IQUB: variants seen among roughly 807,000 people sequenced by gnomAD.
IQUB encodes the protein IQ motif and ubiquitin-like domain-containing protein.
Under a neutral mutation model 86.4 loss-of-function variants are expected in IQUB, and 86 were observed. The ratio of observed to expected loss-of-function variants is 1.00; its 90% CI spans 0.84 to 1.19. The LOEUF is 1.19. Among genes scored for constraint, IQUB ranks in the 50% most tolerant of loss-of-function variants. The pLI is 0.00. For synonymous variants in IQUB, 289 were observed against 304.5 expected (o/e 0.95, Z 0.53); for missense variants, 946 against 916.9 (o/e 1.03, Z -0.41).
intron 1 of IQUB, among the ~76,000 whole-genome samples, chr7:123,525,440 G>T (rs925600443): frequency 2.0e-5 from 3 of 152,152 alleles, no homozygotes; most frequent in African/African-American, 7.2e-5. Context: ...GAGAGTGTAT[G>T]TGTCCAGGAA....
At chr7:123,463,067 G>C (rs1433021096) in intron 10 of IQUB, among the ~76,000 whole-genome samples, 1 of 151,594 alleles carries the variant, frequency 6.6e-6, no homozygotes, top group Non-Finnish European at 1.5e-5. Flanking sequence ...AGTAGTTTGA[G>C]ATATTAAAGA....
At chr7:123,457,259 T>G in intron 12 of IQUB, 122 bp downstream of exon 12, 1 of 1,438,956 alleles carries the variant, frequency 6.9e-7, no homozygotes. Flanking sequence ...TGTTAATCCA[T>G]AAGTTCTGTT....
chr7:123,483,287 C>T (rs1795083219), intron 7 of IQUB, among the ~76,000 whole-genome samples: 4 of 152,074 alleles, frequency 2.6e-5, no homozygotes, highest in Admixed American at 6.6e-5. Context: ...ACACACAGTC[C>T]TTTTCAGTGT....
intron 1 of IQUB, among the ~76,000 whole-genome samples, chr7:123,516,956 C>T (rs980565216): frequency 1.3e-5 from 2 of 152,086 alleles, no homozygotes; most frequent in Non-Finnish European, 2.9e-5. Flanking sequence ...AGATAAGACT[C>T]CTGGGCCAGA....
At chr7:123,462,787 G>A in intron 10 of IQUB, 1 of 454,162 alleles carries the variant, frequency 2.2e-6, no homozygotes, top group South Asian at 1.6e-5. Flanking sequence ...CTCCATTATA[G>A]ATGGAGCATT....
intron 1 of IQUB, among the ~76,000 whole-genome samples, chr7:123,516,334 A>G (rs536063865): frequency 8.5e-5 from 13 of 152,342 alleles, no homozygotes; most frequent in African/African-American, 2.6e-4. Flanking sequence ...AAAGTCATAC[A>G]CACACAGAAA....
At chr7:123,507,409 A>G (rs1246349544) in intron 3 of IQUB, among the ~76,000 whole-genome samples, 1 of 152,240 alleles carries the variant, frequency 6.6e-6, no homozygotes, top group African/African-American at 2.4e-5. Flanking sequence ...GAAGTTTGGT[A>G]GGTTAGGCTT....
chr7:123,523,423 T>C (rs1426736365), intron 1 of IQUB, among the ~76,000 whole-genome samples: 5 of 151,880 alleles, frequency 3.3e-5, no homozygotes, highest in Non-Finnish European at 7.4e-5. Context: ...TATCTCATTG[T>C]GGTTTTGATT....
At chr7:123,534,285 G>T (rs543270316) in intron 1 of IQUB, among the ~76,000 whole-genome samples, 1 of 152,114 alleles carries the variant, frequency 6.6e-6, no homozygotes, top group Non-Finnish European at 1.5e-5. Context: ...GAGAGGGGAA[G>T]CCAAAAAAGG....
Position 123,510,007 on chromosome 7 carries a change from C to T in IQUB, c.426G>A (p.Gln142=). The change falls in exon 3 of 13, where the codon CAG becomes CAA. Residue 142 remains glutamine, a synonymous_variant. Transcript: ENST00000324698. ...TVKVVLIPVG[Q]EIVIPFKVDT... ...CAACCTTAAAAGGTATTACAATTTC[C>T]TGGCCCACTGGAATAAGTACAACTT... 1 of 1,577,656 alleles carries T rather than the reference C, an allele frequency of 6.3e-7. No individual in the cohort carries two copies. The highest frequency in any genetic ancestry group is 8.7e-7 in the Non-Finnish European group (1 of 1,155,286).
intron 7 of IQUB, among the ~76,000 whole-genome samples, chr7:123,488,473 T>A (rs537556496): frequency 6.6e-6 from 1 of 152,128 alleles, no homozygotes; most frequent in Non-Finnish European, 1.5e-5. Context: ...TCAAGAGCCC[T>A]GAGCACATTT....
At chr7:123,472,124 G>C (rs1290978897) in intron 8 of IQUB, among the ~76,000 whole-genome samples, 3 of 151,862 alleles carry the variant, frequency 2.0e-5, no homozygotes, top group African/African-American at 7.3e-5. Context: ...TGTAATCCCA[G>C]CTACTTGTGA....
chr7:123,525,795 G>T (rs1207685501), intron 1 of IQUB, among the ~76,000 whole-genome samples: 2 of 151,608 alleles, frequency 1.3e-5, no homozygotes, highest in African/African-American at 4.9e-5. Context: ...TGTGATGTTA[G>T]GATGTCAATT....
intron 1 of IQUB, among the ~76,000 whole-genome samples, chr7:123,525,570 C>T (rs11770606): frequency 0.27 from 40,654 of 151,764 alleles, 5,755 homozygotes; most frequent in Middle Eastern, 0.36. Context: ...TTTTTTATTG[C>T]GTCTATTTGA....
chr7:123,495,491 T>C (rs1795666717), intron 7 of IQUB, among the ~76,000 whole-genome samples: 1 of 152,052 alleles, frequency 6.6e-6, no homozygotes, highest in Non-Finnish European at 1.5e-5. Context: ...TAGTATGTAA[T>C]GAAACAAACA....
rs1796443250 is a variant in IQUB at position 123,512,110 on chromosome 7, T to C, written c.231A>G (p.Gln77=). ...TTGGTGATATAACCTCTTCCATGAG[T>C]TGTTCATTGTCTGGTTCCAGGCTTG... is the stretch of plus-strand genomic sequence containing the variant. ...SFSSLEPDNE[Q]LMEEVISPRQ... is the part of the protein sequence containing the mutation. Residue 77 remains glutamine (Q), a synonymous_variant, in exon 2 of 13, where the codon CAA becomes CAG. Coordinates refer to ENST00000324698, the MANE Select transcript of IQUB (RefSeq NM_178827.5). The C allele has an allele frequency of 4.3e-6, 7 of 1,613,930 alleles. No homozygotes were observed. The East Asian group carries it at 1.6e-4, about 36-fold the overall frequency.
intron 12 of IQUB, among the ~76,000 whole-genome samples, chr7:123,453,263 A>AAAATATATAT (rs1793523200): frequency 7.2e-6 from 1 of 138,232 alleles, no homozygotes; most frequent in Non-Finnish European, 1.6e-5. Flanking sequence ...ATCTAGTTAG[A>AAAATATATAT]ATATATATAT....
At position 123,487,895 on chromosome 7, in the gene IQUB, C is replaced by A. The variant is rs28644200; in HGVS notation, c.1235-7925G>T. Among the ~76,000 whole-genome samples, 902 of 152,302 alleles carry A rather than the reference C, an allele frequency of 5.9e-3. 8 individuals are homozygous for A. Among genetic ancestry groups the A allele is most frequent in the African/African-American group, 0.02 (841 of 41,556 alleles). On this transcript the variant is annotated intron_variant, in intron 7 of 12. Transcript: ENST00000324698. ...ATTTTTGTCATATAGGATTCATCCACAGGCCTTTTTAGGTGATTTCCTTTC... is the reference window on the plus strand; with the variant it reads ...ATTTTTGTCATATAGGATTCATCCAAAGGCCTTTTTAGGTGATTTCCTTTC...
At chr7:123,480,926 A>G (rs1794974986) in intron 7 of IQUB, among the ~76,000 whole-genome samples, 1 of 152,140 alleles carries the variant, frequency 6.6e-6, no homozygotes, top group Non-Finnish European at 1.5e-5. Flanking sequence ...AAAATTTCCA[A>G]GCTCAGATAG....
Sources: gnomAD v4.1 joint callset for allele counts (sites outside exome capture counted in the v4.1 genomes callset) on GRCh38, gnomAD v4.1.1 for gene constraint, MANE v1.5 for transcripts, NCBI Gene and HGNC (gene_info 2026-07-23, HGNC 2026-07-21) for gene names.